The following LRP2 variants were observed in gnomAD, a reference collection of about 807,000 sequenced individuals.
LRP2 encodes the protein low-density lipoprotein receptor-related protein 2.
Under a neutral mutation model 531.0 loss-of-function variants are expected in LRP2, and 172 were observed. That is an observed-to-expected ratio of 0.32 (90% CI 0.29 to 0.37). The LOEUF (loss-of-function observed/expected upper bound fraction) is 0.37. Among genes scored for constraint, LRP2 ranks in the 10% least tolerant of loss-of-function variants. The pLI is 1.00. For missense variants in LRP2, 5,167 were observed against 5,868.3 expected (o/e 0.88, Z 3.90); for synonymous variants, 1,992 against 2,027.6 (o/e 0.98, Z 0.47).
intron 34 of LRP2, among the ~76,000 whole-genome samples, chr2:169,219,863 A>C (rs1195690562): frequency 6.6e-6 from 1 of 152,140 alleles, no homozygotes. Context: ...CAAAAGAATA[A>C]AGTTCAACTT....
In LRP2 at chr2:169,294,181, C is replaced by T; in HGVS notation, c.619G>A (p.Asp207Asn). 4 of 1,613,852 alleles carry T rather than the reference C, an allele frequency of 2.5e-6. No individual in the cohort carries two copies. The highest frequency in any genetic ancestry group is 3.4e-6 in the Non-Finnish European group (4 of 1,179,780). ...PRAYVCDHDNDCQDGSDEHAC... is the reference protein window; with the variant it reads ...PRAYVCDHDNNCQDGSDEHAC... ...TGTTCGTCACTGCCGTCTTGGCAATCATTGTCATGGTCACAGACATAAGCA... is the reference window on the plus strand; with the variant it reads ...TGTTCGTCACTGCCGTCTTGGCAATTATTGTCATGGTCACAGACATAAGCA... The change falls in exon 6 of 79, where the codon GAT becomes AAT. Residue 207 changes from aspartate to asparagine, a missense_variant. Asp to Asn is a conservative substitution (Grantham distance 23). This residue lies in a region of LRP2 where 2,811 missense variants were observed against 3,058.0 expected (regional missense o/e 0.92). Coordinates refer to ENST00000649046, the MANE Select transcript of LRP2 (RefSeq NM_004525.3).
rs2105437456 is a variant in LRP2, at chr2:169,271,017, A to G, written c.2207T>C (p.Val736Ala). The G allele has an allele frequency of 6.2e-7, 1 of 1,613,270 alleles. No individual in the cohort carries two copies. Among genetic ancestry groups the G allele is most frequent in the South Asian group, 1.1e-5 (1 of 91,074 alleles). Residue 736 changes from valine (V) to alanine (A), a missense_variant, in exon 16 of 79, where the codon GTT becomes GCT. Coordinates refer to ENST00000649046, the MANE Select transcript of LRP2 (RefSeq NM_004525.3). ...LSTQEDVMVPVSGNPSFFVGI... is the reference protein window; with the variant it reads ...LSTQEDVMVPASGNPSFFVGI... ...GACAAAGAAAGAAGGATTCCCCGAA[A>G]CTGGAACCATGACATCTTCCTGGGT... is the stretch of plus-strand genomic sequence containing the variant.
At chr2:169,245,302 T>C (rs1224899911) in intron 21 of LRP2, among the ~76,000 whole-genome samples, 1 of 152,186 alleles carries the variant, frequency 6.6e-6, no homozygotes, top group East Asian at 1.9e-4. Context: ...CTAAAGCTCA[T>C]CCTTAACTTT....
chr2:169,275,426 G>A, intron 13 of LRP2, 188 bp from the exon 14 acceptor site: 1 of 585,654 alleles, frequency 1.7e-6, no homozygotes, highest in Non-Finnish European at 3.0e-6. Flanking sequence ...GGATTTTCAT[G>A]TTGTCTCTTG....
At chr2:169,259,293 G>C (rs1690440579) in intron 16 of LRP2, 76 bp from the exon 17 acceptor site, 1 of 836,946 alleles carries the variant, frequency 1.2e-6, no homozygotes, top group South Asian at 1.3e-5. Flanking sequence ...AATGCACACT[G>C]AAATTTTGTG....
intron 2 of LRP2, among the ~76,000 whole-genome samples, chr2:169,319,347 G>T (rs1684850580): frequency 6.6e-6 from 1 of 152,090 alleles, no homozygotes; most frequent in Admixed American, 6.5e-5. Context: ...TCTTTGGCAG[G>T]TTCTCTGAAC....
chr2:169,261,668 A>T (rs917476228), intron 16 of LRP2, among the ~76,000 whole-genome samples: 1 of 152,184 alleles, frequency 6.6e-6, no homozygotes, highest in East Asian at 1.9e-4. Context: ...CAGAGGTACA[A>T]GGAGGAACTG....
intron 3 of LRP2, among the ~76,000 whole-genome samples, chr2:169,316,388 A>G (rs1286003509): frequency 6.6e-6 from 1 of 152,142 alleles, no homozygotes; most frequent in Admixed American, 6.5e-5. Flanking sequence ...TTTCTTCTTC[A>G]TCTAATAAAA....
At chr2:169,281,360 T>G (rs543807856) in intron 10 of LRP2, among the ~76,000 whole-genome samples, 8 of 152,010 alleles carry the variant, frequency 5.3e-5, no homozygotes, top group Admixed American at 5.2e-4. Context: ...AGGCGGAGAT[T>G]GCAGTGAGGC....
At position 169,138,477 on chromosome 2, in the gene LRP2, T is replaced by C. The variant is rs1029179433; in HGVS notation, c.13518+100A>G. The C allele has an allele frequency of 1.0e-5, 13 of 1,303,652 alleles. No individual in the cohort carries two copies. The African/African-American group carries it at 1.6e-4, about 16-fold the overall frequency. The allele number at this position is 1,303,652 out of a possible 1,614,324, so 80.8% of individuals were successfully genotyped here. ...GCAGACCTTATTCTGAGAGGCCTAA[T>C]ACTGTATTTCAGTCTTCTCTAGGTG... On this transcript the variant is annotated intron_variant, in intron 75 of 78. Coordinates refer to ENST00000649046, the MANE Select transcript of LRP2 (RefSeq NM_004525.3).
intron 21 of LRP2, 102 bp downstream of exon 21, chr2:169,246,603 A>T: frequency 7.4e-7 from 1 of 1,358,736 alleles, no homozygotes; most frequent in East Asian, 2.3e-5. Flanking sequence ...ATTCTAAAAG[A>T]TATTTTTCCC....
chr2:169,279,388 C>T lies in LRP2; in HGVS notation c.1549G>A (p.Val517Met), dbSNP rs770524674. 5.7e-5 allele frequency: 92 copies of T among 1,613,478 alleles called. No individual in the cohort carries two copies. The highest frequency in any genetic ancestry group is 7.3e-5 in the Non-Finnish European group (86 of 1,179,578). ...ATCACTTACCCAACAGTTGGGTCCA[C>T]GGCAATTCCTCTAGGATGCCCCAAG... The part of the protein sequence containing the change: ...ENLGHPRGIA[V>M]DPTVGYLFFS... The change falls in exon 12 of 79, where the codon GTG becomes ATG. Residue 517 changes from valine (V) to methionine (M), a missense_variant. Val to Met is a conservative substitution (Grantham distance 21). This residue lies in a region of LRP2 where 2,811 missense variants were observed against 3,058.0 expected (regional missense o/e 0.92). Transcript: ENST00000649046.
chr2:169,342,294 T>A (rs1014045015), intron 1 of LRP2, among the ~76,000 whole-genome samples: 1 of 151,860 alleles, frequency 6.6e-6, no homozygotes, highest in African/African-American at 2.4e-5. Flanking sequence ...ACATGCCAAC[T>A]TATAAAACAA....
rs115301040 is a variant in LRP2, at chr2:169,255,137, C to A, written c.2770+969G>T. On this transcript the variant is annotated intron_variant, in intron 19 of 78. Transcript: ENST00000649046. Reference sequence around the variant, plus strand: ...ATTATTCAAAGTAGGAGGTTTCAACCAGGGACACAACTAGCATATACACAG... The same window carrying A: ...ATTATTCAAAGTAGGAGGTTTCAACAAGGGACACAACTAGCATATACACAG... Among the ~76,000 whole-genome samples the A allele has an allele frequency of 9.5e-3, 1,450 of 152,160 alleles. 22 individuals carry two copies. The highest frequency in any genetic ancestry group is 0.033 in the African/African-American group (1,375 of 41,512).
At chr2:169,161,353 G>A (rs9646777) in intron 63 of LRP2, among the ~76,000 whole-genome samples, 74,745 of 152,074 alleles carry the variant, frequency 0.49, 18,891 homozygotes, top group Admixed American at 0.61. Context: ...ACAAAGGTGT[G>A]ACTTAGTAAC....
At chr2:169,280,627 G>T in intron 10 of LRP2, 108 bp from the exon 11 acceptor site, 1 of 1,111,912 alleles carries the variant, frequency 9.0e-7, no homozygotes, top group Non-Finnish European at 1.3e-6. Context: ...CTTCTAGGTT[G>T]TCTTACCTGA....
chr2:169,240,869 T>C (rs1689779055), intron 25 of LRP2, 119 bp downstream of exon 25: 2 of 1,192,956 alleles, frequency 1.7e-6, no homozygotes, highest in African/African-American at 3.0e-5. Context: ...AGATGTGAAC[T>C]CATAGAGGAA....
intron 25 of LRP2, chr2:169,240,759 C>T: frequency 1.7e-6 from 1 of 590,034 alleles, no homozygotes; most frequent in South Asian, 2.4e-5. Flanking sequence ...GAAACAAAGA[C>T]ATAAAAAGAA....
At chr2:169,164,100 CAT>C (rs1163800973) in intron 62 of LRP2, among the ~76,000 whole-genome samples, 2 of 152,228 alleles carry the variant, frequency 1.3e-5, no homozygotes, top group Non-Finnish European at 2.9e-5. Flanking sequence ...CCTGTGCTAA[CAT>C]GTGTCATCCC....
Sources: gnomAD v4.1 joint callset for allele counts (sites outside exome capture counted in the v4.1 genomes callset) on GRCh38, gnomAD v4.1.1 for gene constraint, gnomAD v4.1.1 regional missense constraint, MANE v1.5 for transcripts, NCBI Gene and HGNC (gene_info 2026-07-23, HGNC 2026-07-21) for gene names.